Variants in ATP11B observed in about 807,000 individuals in gnomAD.
The protein encoded by ATP11B is ATPase phospholipid transporting 11B (putative).
In ATP11B, 81 loss-of-function variants were observed where a neutral mutation model predicts 157.8. That is an observed-to-expected ratio of 0.51 (90% confidence interval 0.43 to 0.62). The LOEUF is 0.62. Among genes scored for constraint, ATP11B ranks in the 20% least tolerant of loss-of-function variants. The probability of loss-of-function intolerance (pLI) is 0.00; values close to 1 mark genes in which losing one functional copy is unlikely to be tolerated. For missense variants in ATP11B, 1,165 were observed against 1,402.2 expected (o/e 0.83, Z 2.70); for synonymous variants, 451 against 469.4 (o/e 0.96, Z 0.51).
intron 1 of ATP11B, among the ~76,000 whole-genome samples, chr3:182,810,290 C>T (rs1397957594): frequency 1.3e-5 from 2 of 152,082 alleles, no homozygotes; most frequent in Admixed American, 1.3e-4. Context: ...CGAGATGGCA[C>T]CACTGCACCT....
intron 4 of ATP11B, among the ~76,000 whole-genome samples, chr3:182,834,753 A>G (rs1718413562): frequency 6.6e-6 from 1 of 152,198 alleles, no homozygotes; most frequent in Non-Finnish European, 1.5e-5. Flanking sequence ...CATACAGGCT[A>G]ACATATTTTT....
intron 10 of ATP11B, among the ~76,000 whole-genome samples, chr3:182,848,880 G>T (rs976074150): frequency 6.6e-6 from 1 of 152,110 alleles, no homozygotes; most frequent in Non-Finnish European, 1.5e-5. Context: ...AGACAAACCA[G>T]AATCGAATAG....
At chr3:182,877,525 C>T (rs1722128425) in intron 19 of ATP11B, among the ~76,000 whole-genome samples, 1 of 152,040 alleles carries the variant, frequency 6.6e-6, no homozygotes, top group African/African-American at 2.4e-5. Context: ...ACCTGCAGTC[C>T]CAGCGTCTTG....
Position 182,855,296 on chromosome 3 carries a change from T to C in ATP11B, c.852-2582T>C, listed in dbSNP as rs1243141057. Among the ~76,000 whole-genome samples, 3 of 152,172 alleles carry C rather than the reference T, an allele frequency of 2.0e-5. No homozygotes were observed. The East Asian group carries it at 5.8e-4, about 29-fold the overall frequency. ...TGGCAACAGCACAAAAGCAATACAA[T>C]AGAGGAAGTGTAATCTTTTTCAACA... On this transcript the variant is annotated intron_variant, in intron 10 of 29. Coordinates refer to ENST00000323116, the MANE Select transcript of ATP11B (RefSeq NM_014616.3).
chr3:182,864,883 T>C (rs1194834828), intron 12 of ATP11B, among the ~76,000 whole-genome samples: 1 of 152,194 alleles, frequency 6.6e-6, no homozygotes, highest in Non-Finnish European at 1.5e-5. Flanking sequence ...AAATAATTTG[T>C]CTTACTTACT....
chr3:182,886,262 T>C (rs1331921048), intron 23 of ATP11B, among the ~76,000 whole-genome samples: 2 of 152,148 alleles, frequency 1.3e-5, no homozygotes, highest in African/African-American at 2.4e-5. Context: ...ATAATAACCC[T>C]TAACAGCTTA....
chr3:182,815,257 A>G (rs921681284), intron 1 of ATP11B, among the ~76,000 whole-genome samples: 14 of 152,220 alleles, frequency 9.2e-5, no homozygotes, highest in African/African-American at 2.9e-4. Context: ...AAGCTGAGGT[A>G]AATTATAACT....
chr3:182,897,324 T>C lies in ATP11B; in HGVS notation c.3070T>C (p.Trp1024Arg). ...TVKMALETHF[W>R]TWINHLVTWG... is the part of the protein sequence containing the mutation. Reference sequence around the variant, plus strand: ...TTAGATGGCTCTGGAAACTCATTTTTGGACTTGGATCAACCATCTCGTTAC... The same window carrying C: ...TTAGATGGCTCTGGAAACTCATTTTCGGACTTGGATCAACCATCTCGTTAC... The change falls in exon 27 of 30, where the codon TGG (tryptophan) becomes CGG (arginine). Residue 1024 changes from tryptophan (W) to arginine (R), a missense_variant. This residue lies in a region of ATP11B where 303 missense variants were observed against 296.3 expected (regional missense o/e 1.02). Transcript: ENST00000323116. The C allele has an allele frequency of 6.4e-7, 1 of 1,573,758 alleles. No homozygotes were observed. The highest frequency in any genetic ancestry group is 8.6e-7 in the Non-Finnish European group (1 of 1,168,386).
chr3:182,901,918 G>C (rs987189642), intron 28 of ATP11B, among the ~76,000 whole-genome samples: 1 of 151,636 alleles, frequency 6.6e-6, no homozygotes, highest in African/African-American at 2.4e-5. Context: ...CTTCCTTCTT[G>C]GCTCACTAAA....
intron 29 of ATP11B, chr3:182,915,616 AT>A: frequency 1.0e-6 from 1 of 969,596 alleles, no homozygotes; most frequent in Non-Finnish European, 1.2e-6. Context: ...TTTGTTAATG[AT>A]TTTTTTAAAA....
intron 25 of ATP11B, among the ~76,000 whole-genome samples, chr3:182,893,074 G>A (rs1035782033): frequency 7.2e-5 from 11 of 152,092 alleles, no homozygotes; most frequent in Non-Finnish European, 1.5e-4. Context: ...TTAAAAAGTA[G>A]GGCTTGTCTT....
At chr3:182,831,894 A>T (rs1011557410) in intron 4 of ATP11B, among the ~76,000 whole-genome samples, 1 of 152,156 alleles carries the variant, frequency 6.6e-6, no homozygotes, top group Non-Finnish European at 1.5e-5. Flanking sequence ...TTTATTCTAT[A>T]TACCTGCTTA....
intron 12 of ATP11B, among the ~76,000 whole-genome samples, chr3:182,864,900 AAT>A (rs1411555001): frequency 5.3e-5 from 8 of 152,156 alleles, no homozygotes; most frequent in African/African-American, 1.4e-4. Flanking sequence ...TACTTTTAAA[AAT>A]ATGTTTTTTT....
At chr3:182,894,102 G>A (rs568352609) in intron 25 of ATP11B, among the ~76,000 whole-genome samples, 1 of 143,552 alleles carries the variant, frequency 7.0e-6, no homozygotes, top group South Asian at 2.3e-4. Context: ...AGTGTAGATT[G>A]CGAAGATTTT....
rs867029297 is a variant in ATP11B, at chr3:182,859,174, A to G, written c.1015A>G (p.Ile339Val). The change falls in exon 12 of 30, where the codon ATT becomes GTT. Residue 339 changes from isoleucine (I) to valine (V), a missense_variant. Transcript: ENST00000323116. ...QRNSSKILRF[I>V]SDFLAFLVLY... ...TCCTTTTTTCTAGATTCTGAGATTT[A>G]TTTCAGACTTCCTTGCTTTTTTGGT... 3 of 1,603,766 alleles carry G rather than the reference A, an allele frequency of 1.9e-6. No homozygotes were observed. The highest frequency in any genetic ancestry group is 2.7e-5 in the African/African-American group (2 of 74,546).
chr3:182,843,770 A>T (rs1381524785), intron 8 of ATP11B: 1 of 152,218 alleles, frequency 6.6e-6, no homozygotes, highest in Non-Finnish European at 1.5e-5. Flanking sequence ...TGTTCAGTTT[A>T]TACTGGCTGC....
chr3:182,851,791 G>A (rs561354631), intron 10 of ATP11B, among the ~76,000 whole-genome samples: 85 of 152,262 alleles, frequency 5.6e-4, no homozygotes, highest in Admixed American at 6.5e-4. Flanking sequence ...ATGGTGGTCC[G>A]AAATTTGACC....
chr3:182,836,273 G>A, intron 5 of ATP11B, 69 bp from the exon 6 acceptor site: 1 of 1,595,020 alleles, frequency 6.3e-7, no homozygotes, highest in South Asian at 1.1e-5. Context: ...TGCTTCTTTA[G>A]AGCCCAATAA....
chr3:182,915,420 G>A, intron 29 of ATP11B: 1 of 985,226 alleles, frequency 1.0e-6, no homozygotes, highest in South Asian at 4.7e-5. Context: ...TATAAAATGT[G>A]GCTCTGTCAT....
Sources: allele counts gnomAD v4.1 joint callset (sites outside exome capture counted in the v4.1 genomes callset), GRCh38; gene constraint gnomAD v4.1.1; regional missense constraint gnomAD v4.1.1; transcripts MANE v1.5; gene names NCBI Gene and HGNC (gene_info 2026-07-23, HGNC 2026-07-21).